GALNT17: variants seen among roughly 807,000 people sequenced by gnomAD.
GALNT17 encodes UDP-GalNAc:polypeptide N-acetylgalactosaminyltransferase-like 3.
GALNT17 carries 29 observed loss-of-function variants against 63.7 expected under a neutral mutation model. The ratio of observed to expected loss-of-function variants is 0.46; its 90% CI spans 0.34 to 0.62. GALNT17 has a LOEUF of 0.62. GALNT17 is among the 20% of genes least tolerant of loss of function. GALNT17 has a pLI of 0.01. For synonymous variants in GALNT17, 305 were observed against 318.3 expected (o/e 0.96, Z 0.45); for missense variants, 603 against 799.6 (o/e 0.75, Z 2.97).
intron 5 of GALNT17, among the ~76,000 whole-genome samples, chr7:71,480,968 C>T (rs1787807705): frequency 6.6e-6 from 1 of 152,224 alleles, no homozygotes; most frequent in Admixed American, 6.5e-5. Context: ...AGGGAGGGAA[C>T]CTCTGCCACC....
chr7:71,686,275 T>C (rs1206853592), intron 9 of GALNT17, among the ~76,000 whole-genome samples: 1 of 151,618 alleles, frequency 6.6e-6, no homozygotes, highest in Non-Finnish European at 1.5e-5. Context: ...TTATAATGTA[T>C]AATTTTGCAG....
chr7:71,662,236 G>A (rs537602729), intron 6 of GALNT17, among the ~76,000 whole-genome samples: 9 of 152,148 alleles, frequency 5.9e-5, no homozygotes, highest in African/African-American at 2.2e-4. Context: ...TCCTTGAAGA[G>A]TTCTGCTTTG....
At chr7:71,524,398 G>A (rs143537888) in intron 5 of GALNT17, among the ~76,000 whole-genome samples, 1 of 151,328 alleles carries the variant, frequency 6.6e-6, no homozygotes, top group East Asian at 1.9e-4. Context: ...TTTTGTGTGT[G>A]TCTGTTTTCC....
At chr7:71,301,300 T>A (rs893208731) in intron 1 of GALNT17, among the ~76,000 whole-genome samples, 38 of 149,562 alleles carry the variant, frequency 2.5e-4, no homozygotes, top group African/African-American at 9.0e-4. Context: ...ACTTTTTTTT[T>A]AAAGTAATAA....
intron 1 of GALNT17, among the ~76,000 whole-genome samples, chr7:71,283,240 C>T (rs1002545557): frequency 2.0e-5 from 3 of 150,736 alleles, no homozygotes; most frequent in South Asian, 2.1e-4. Context: ...TCTTGCTGTA[C>T]ACCTTTCCCA....
At chr7:71,300,183 T>C (rs377223276) in intron 1 of GALNT17, 3 of 278,820 alleles carry the variant, frequency 1.1e-5, no homozygotes, top group Admixed American at 5.0e-5. Context: ...AATAAAACTT[T>C]TGTGGGAGAT....
chr7:71,233,714 C>T (rs1789835986), intron 1 of GALNT17, among the ~76,000 whole-genome samples: 2 of 147,138 alleles, frequency 1.4e-5, no homozygotes, highest in South Asian at 4.2e-4. Flanking sequence ...GGCTCTCATT[C>T]TCTGGTTCTG....
At chr7:71,288,074 G>A (rs1583830916) in intron 1 of GALNT17, among the ~76,000 whole-genome samples, 2 of 149,066 alleles carry the variant, frequency 1.3e-5, no homozygotes, top group East Asian at 1.9e-4. Context: ...AAATTAGCTG[G>A]GCATGGTGGC....
intron 1 of GALNT17, among the ~76,000 whole-genome samples, chr7:71,154,662 C>T (rs1437449777): frequency 3.3e-5 from 5 of 152,006 alleles, no homozygotes; most frequent in South Asian, 4.2e-4. Flanking sequence ...CTGCAAGCTC[C>T]GCCTCCCTGG....
intron 3 of GALNT17, among the ~76,000 whole-genome samples, chr7:71,407,861 G>C (rs1793356925): frequency 6.6e-6 from 1 of 152,136 alleles, no homozygotes; most frequent in Non-Finnish European, 1.5e-5. Context: ...ATGTGTATTA[G>C]GCAAATTTAT....
rs746945053 is a variant in GALNT17 at position 71,298,002 on chromosome 7, G to A, written c.239-37548G>A. 3.3e-5 allele frequency among the ~76,000 whole-genome samples: 5 copies of A among 152,206 alleles called. No homozygotes were observed. The East Asian group carries it at 7.7e-4, about 24-fold the overall frequency. On this transcript the variant is annotated intron_variant, in intron 1 of 10. Coordinates refer to ENST00000333538, the MANE Select transcript of GALNT17 (RefSeq NM_022479.3). ...CAGATGTTTATGGTTGTCAAACCTC[G>A]TTGAACTCAAGAGTTGTGTATTTTC...
chr7:71,159,748 G>T (rs1210876615), intron 1 of GALNT17, among the ~76,000 whole-genome samples: 2 of 149,712 alleles, frequency 1.3e-5, no homozygotes, highest in Non-Finnish European at 2.9e-5. Context: ...ACTGTCAGTC[G>T]CTGGTGTCAG....
intron 1 of GALNT17, among the ~76,000 whole-genome samples, chr7:71,193,057 A>G (rs1205556500): frequency 1.3e-5 from 2 of 150,190 alleles, no homozygotes; most frequent in Admixed American, 6.7e-5. Flanking sequence ...GTCTTTAACC[A>G]TCATCTACCA....
intron 3 of GALNT17, among the ~76,000 whole-genome samples, chr7:71,403,142 A>C (rs1793269284): frequency 6.6e-6 from 1 of 152,218 alleles, no homozygotes; most frequent in Non-Finnish European, 1.5e-5. Flanking sequence ...TGAAAACCCC[A>C]GCTAAAGCTT....
intron 5 of GALNT17, among the ~76,000 whole-genome samples, chr7:71,560,193 C>CAAAAAAAA (rs57189106): frequency 2.1e-5 from 2 of 94,484 alleles, no homozygotes; most frequent in African/African-American, 4.2e-5. Context: ...GACTCCATCT[C>CAAAAAAAA]AAAAAAAAAA....
At chr7:71,299,902 AT>A (rs1463790934) in intron 1 of GALNT17, among the ~76,000 whole-genome samples, 1 of 152,104 alleles carries the variant, frequency 6.6e-6, no homozygotes, top group Non-Finnish European at 1.5e-5. Context: ...AGTAGCTGGA[AT>A]TACAGGTGCC....
intron 1 of GALNT17, among the ~76,000 whole-genome samples, chr7:71,214,428 A>G (rs1003220605): frequency 2.0e-5 from 3 of 152,186 alleles, no homozygotes; most frequent in Non-Finnish European, 4.4e-5. Context: ...TTGCATTAAG[A>G]AGGCATTTCC....
At chr7:71,541,506 T>A (rs1788891705) in intron 5 of GALNT17, among the ~76,000 whole-genome samples, 1 of 151,956 alleles carries the variant, frequency 6.6e-6, no homozygotes, top group Non-Finnish European at 1.5e-5. Context: ...TGAGCCGAGA[T>A]CTCGCCACTG....
intron 6 of GALNT17, among the ~76,000 whole-genome samples, chr7:71,631,607 T>C (rs1355130541): frequency 2.6e-5 from 4 of 152,042 alleles, no homozygotes; most frequent in African/African-American, 9.7e-5. Flanking sequence ...CTTGGTCCAG[T>C]TGAGGAAGAG....
Sources: gnomAD v4.1 joint callset for allele counts (sites outside exome capture counted in the v4.1 genomes callset) on GRCh38, gnomAD v4.1.1 for gene constraint, MANE v1.5 for transcripts, NCBI Gene and HGNC (gene_info 2026-07-23, HGNC 2026-07-21) for gene names.